COL12A1: variants seen among roughly 807,000 people sequenced by gnomAD.
COL12A1 encodes the protein collagen alpha-1(XII) chain.
A neutral mutation model predicts 349.7 loss-of-function variants in COL12A1; 114 were observed. That is an observed-to-expected ratio of 0.33 (90% CI 0.28 to 0.38). The LOEUF (loss-of-function observed/expected upper bound fraction) is 0.38, where lower values mean the gene tolerates loss of function less well. Among genes scored for constraint, COL12A1 ranks in the 10% least tolerant of loss-of-function variants. The pLI is 1.00. For synonymous variants in COL12A1, 1,369 were observed against 1,329.0 expected (o/e 1.03, Z -0.66); for missense variants, 3,284 against 3,756.9 (o/e 0.87, Z 3.29).
chr6:75,184,171 T>C, intron 8 of COL12A1, 27 bp from the exon 9 acceptor site: 1 of 1,604,114 alleles, frequency 6.2e-7, no homozygotes, highest in Non-Finnish European at 8.5e-7. Flanking sequence ...AGACAGTGAT[T>C]AATAACAGTG....
chr6:75,143,551 A>G (rs1374591468), intron 25 of COL12A1, among the ~76,000 whole-genome samples, 163 bp from the exon 26 acceptor site: 1 of 152,140 alleles, frequency 6.6e-6, no homozygotes. Context: ...ATTCTACCAG[A>G]TAGACTGAAT....
At position 75,151,922 on chromosome 6, in the gene COL12A1, A is replaced by T. The variant is rs750291030; in HGVS notation, c.3945T>A (p.Asp1315Glu). 6.2e-7 allele frequency: 1 copy of T among 1,613,836 alleles called. No homozygotes were observed. Among genetic ancestry groups the T allele is most frequent in the Non-Finnish European group, 8.5e-7 (1 of 1,179,822 alleles). The change falls in exon 20 of 66, where the codon GAT becomes GAA. Residue 1315 changes from aspartate to glutamate, a missense_variant. By Grantham distance (45) the Asp-to-Glu change is conservative (BLOSUM62 2). Coordinates refer to ENST00000322507, the MANE Select transcript of COL12A1 (RefSeq NM_004370.6). ...TGAGTTTCTTTGAAGGTGCTTCAAC[A>T]TCGTCTTGTGATTTTCCATCAGTAA... ...VLITDGKSQD[D>E]VEAPSKKLKD...
chr6:75,194,832 C>T lies in COL12A1; in HGVS notation c.189G>A (p.Thr63=), dbSNP rs371298920. Reference sequence around the variant, plus strand: ...TAAAACCCCAGTCTCAAAACTTACCCGTTGTAGGGTCCACCGTTATTCTGT... The same window carrying T: ...TAAAACCCCAGTCTCAAAACTTACCTGTTGTAGGGTCCACCGTTATTCTGT... ...VGYRITVDPT[T]DGPTKEFTLS... The change falls in exon 3 of 66, where the codon ACG becomes ACA. Residue 63 remains threonine (T), a splice_region_variant and synonymous_variant. Transcript: ENST00000322507. 19 of 1,595,842 alleles carry T rather than the reference C, an allele frequency of 1.2e-5. No individual in the cohort carries two copies. Among genetic ancestry groups the T allele is most frequent in the East Asian group, 1.1e-4 (5 of 44,432 alleles).
chr6:75,091,677 C>G, intron 60 of COL12A1, 152 bp from the exon 61 acceptor site: 1 of 725,826 alleles, frequency 1.4e-6, no homozygotes, highest in Non-Finnish European at 2.3e-6. Flanking sequence ...TCACATTCTG[C>G]TTTTCTATAA....
intron 44 of COL12A1, 99 bp from the exon 45 acceptor site, chr6:75,119,572 TA>T: frequency 7.1e-7 from 1 of 1,399,382 alleles, no homozygotes. Context: ...GGTGGGGGTG[TA>T]AAAAGTATCT....
intron 8 of COL12A1, among the ~76,000 whole-genome samples, chr6:75,186,839 C>T (rs1047452299): frequency 6.6e-6 from 1 of 152,002 alleles, no homozygotes; most frequent in Non-Finnish European, 1.5e-5. Flanking sequence ...GAGCTAGAGG[C>T]CATTATCCTT....
chr6:75,113,532 T>C (rs1313681668), intron 50 of COL12A1, 70 bp downstream of exon 50: 3 of 1,464,542 alleles, frequency 2.0e-6, no homozygotes, highest in Admixed American at 2.2e-5. Flanking sequence ...ATTCAGAAAG[T>C]TTTTTAAAAG....
intron 6 of COL12A1, 71 bp from the exon 7 acceptor site, chr6:75,189,452 CAAT>C: frequency 6.4e-7 from 1 of 1,573,826 alleles, no homozygotes; most frequent in Non-Finnish European, 8.6e-7. Context: ...ACTATGTGAA[CAAT>C]GTCAAAAATA....
At chr6:75,118,895 A>T (rs1014240497) in intron 46 of COL12A1, 148 bp downstream of exon 46, 28 of 1,035,252 alleles carry the variant, frequency 2.7e-5, no homozygotes, top group Non-Finnish European at 3.3e-5. Flanking sequence ...TTCCATAATT[A>T]AATATAAACT....
Position 75,143,351 on chromosome 6 carries a change from ATC to A in COL12A1, c.4726_4727del (p.Asp1576CysfsTer19). On this transcript the variant is annotated frameshift_variant, in exon 26 of 66. Transcript: ENST00000322507. LOFTEE classifies it high-confidence loss of function. ...LPRPQDLKLR[D>X]VTHSTMNVFW... is the part of the protein sequence containing the mutation. The stretch of plus-strand genomic sequence containing the variant: ...AGACATTCATAGTGCTGTGAGTCAC[ATC>A]TCTGAGTTTCAGATCCTGAGGTCTG... 1 of 1,613,864 alleles carries A rather than the reference ATC, an allele frequency of 6.2e-7. No homozygotes were observed. The highest frequency in any genetic ancestry group is 8.5e-7 in the Non-Finnish European group (1 of 1,179,940).
chr6:75,173,101 T>G (rs1404532026), intron 13 of COL12A1, among the ~76,000 whole-genome samples: 1 of 152,140 alleles, frequency 6.6e-6, no homozygotes, highest in African/African-American at 2.4e-5. Context: ...ACATAGAGTA[T>G]TTTACAGTTT....
intron 46 of COL12A1, 69 bp from the exon 47 acceptor site, chr6:75,117,615 A>T: frequency 1.3e-6 from 2 of 1,513,374 alleles, no homozygotes; most frequent in Non-Finnish European, 1.8e-6. Context: ...AACAATGCAA[A>T]AAAATTCTTA....
intron 8 of COL12A1, among the ~76,000 whole-genome samples, chr6:75,186,166 C>T (rs1769606879): frequency 2.6e-5 from 4 of 152,150 alleles, no homozygotes; most frequent in Admixed American, 6.5e-5. Context: ...AAACTACCAA[C>T]AGAGTAAACA....
intron 13 of COL12A1, among the ~76,000 whole-genome samples, chr6:75,170,725 T>G (rs1040722695): frequency 4.6e-5 from 7 of 152,216 alleles, no homozygotes; most frequent in African/African-American, 1.7e-4. Context: ...CCAGAATGTA[T>G]GATTTTTCAA....
In COL12A1 at chr6:75,188,353, T is replaced by C. The variant is rs560228996; in HGVS notation, c.997+9A>G. Reference sequence around the variant, plus strand: ...CTAACACATGGGGAATGCTACACAGTCTACTCACCTTCTTCTCCACTAACC... The same window carrying C: ...CTAACACATGGGGAATGCTACACAGCCTACTCACCTTCTTCTCCACTAACC... On this transcript the variant is annotated intron_variant, in intron 8 of 65. Coordinates refer to ENST00000322507, the MANE Select transcript of COL12A1 (RefSeq NM_004370.6). The C allele has an allele frequency of 2.5e-6, 4 of 1,611,370 alleles. No homozygotes were observed. The Admixed American group carries it at 5.0e-5, about 20-fold the overall frequency.
Position 75,131,028 on chromosome 6 carries a change from C to T in COL12A1, c.5938-47G>A, listed in dbSNP as rs758903052. On this transcript the variant is annotated intron_variant, in intron 35 of 65. Coordinates refer to ENST00000322507, the MANE Select transcript of COL12A1 (RefSeq NM_004370.6). ...ATTCTGCCTGACAACAACTCAAATG[C>T]TTACCAAGTCTTCAGTTAGTCATCA... is the stretch of plus-strand genomic sequence containing the variant. The T allele has an allele frequency of 2.5e-6, 4 of 1,611,872 alleles. No individual in the cohort carries two copies. In the Admixed American group the frequency reaches 6.7e-5, roughly 27 times the overall value.
chr6:75,133,639 C>T (rs375793046), intron 33 of COL12A1, among the ~76,000 whole-genome samples: 38 of 152,242 alleles, frequency 2.5e-4, no homozygotes, highest in African/African-American at 5.1e-4. Flanking sequence ...CTTCCCAGAA[C>T]GGCCGCTTCT....
rs984314526 is a variant in COL12A1, at chr6:75,102,004, G to A, written c.8464C>T (p.Arg2822Ter). ...CAACTTAGAGACCAACTCACTGTTC[G>A]GCCTGGAAGTCCTGGCTCTCCAGCA... ...GDAGEPGLPG[R>*]TGTPGLPGPP... Residue 2822 changes from arginine to a stop codon, truncating the protein, a stop_gained, in exon 57 of 66, where the codon CGA becomes TGA. Coordinates refer to ENST00000322507, the MANE Select transcript of COL12A1 (RefSeq NM_004370.6). LOFTEE classifies it high-confidence loss of function. The A allele has an allele frequency of 1.9e-6, 3 of 1,613,988 alleles. No homozygotes were observed. Among genetic ancestry groups the A allele is most frequent in the Non-Finnish European group, 2.5e-6 (3 of 1,179,988 alleles).
chr6:75,166,461 G>A (rs140152241), intron 13 of COL12A1, among the ~76,000 whole-genome samples: 98 of 152,204 alleles, frequency 6.4e-4, no homozygotes, highest in African/African-American at 2.0e-3. Flanking sequence ...GATCAAAAAC[G>A]TCTGCTACTA....
Sources: gnomAD v4.1 joint callset for allele counts (sites outside exome capture counted in the v4.1 genomes callset) on GRCh38, gnomAD v4.1.1 for gene constraint, MANE v1.5 for transcripts, NCBI Gene and HGNC (gene_info 2026-07-23, HGNC 2026-07-21) for gene names.